The following RUNX1T1 variants were observed in gnomAD, a reference collection of about 807,000 sequenced individuals.
The protein encoded by RUNX1T1 is protein CBFA2T1.
In RUNX1T1, 4 loss-of-function variants were observed where a neutral mutation model predicts 62.8. That is an observed-to-expected ratio of 0.06 (90% confidence interval 0.03 to 0.15). The LOEUF (loss-of-function observed/expected upper bound fraction) is 0.15, where lower values mean the gene tolerates loss of function less well. Among genes scored for constraint, RUNX1T1 ranks in the 10% least tolerant of loss-of-function variants. RUNX1T1 has a pLI of 1.00. For synonymous variants in RUNX1T1, 291 were observed against 286.0 expected (o/e 1.02, Z -0.18); for missense variants, 508 against 754.3 (o/e 0.67, Z 3.82).
chr8:92,072,576 G>A (rs944285815), intron 2 of RUNX1T1, among the ~76,000 whole-genome samples: 2 of 152,208 alleles, frequency 1.3e-5, no homozygotes, highest in Non-Finnish European at 2.9e-5. Context: ...ATGCCTGCTT[G>A]TCTGTGTTCA....
intron 3 of RUNX1T1, among the ~76,000 whole-genome samples, chr8:92,012,954 C>T (rs1421722012): frequency 2.0e-5 from 3 of 151,928 alleles, no homozygotes; most frequent in Non-Finnish European, 4.4e-5. Context: ...AAGTATTTCA[C>T]GCAAAAGTAT....
downstream of RUNX1T1, chr8:91,957,797 C>T (rs1809597552): frequency 4.5e-6 from 1 of 224,578 alleles, no homozygotes; most frequent in Admixed American, 5.7e-5. Flanking sequence ...AAAATATAAC[C>T]CATTCAGAGC....
chr8:91,982,236 CAAAA>C (rs34745107), intron 8 of RUNX1T1, among the ~76,000 whole-genome samples: 5 of 79,206 alleles, frequency 6.3e-5, no homozygotes, highest in Admixed American at 1.4e-4. Context: ...GACCCTGTCT[CAAAA>C]AAAAAAAAAA....
rs1225335417 is a variant in RUNX1T1 at position 91,994,958 on chromosome 8, T to TAGTC, written c.660-3073_660-3070dup. Among the ~76,000 whole-genome samples, 11 of 152,354 alleles carry TAGTC rather than the reference T, an allele frequency of 7.2e-5. No individual in the cohort carries two copies. The South Asian group carries it at 2.3e-3, about 32-fold the overall frequency. On this transcript the variant is annotated intron_variant, in intron 5 of 10. Coordinates refer to ENST00000396218, the Ensembl canonical transcript of RUNX1T1. ...TGCAGATCAAAACACACAGTGCTGATAGTCCTCTGGCCAAACCATAAGTAT... is the reference window on the plus strand; with the variant it reads ...TGCAGATCAAAACACACAGTGCTGATAGTCAGTCCTCTGGCCAAACCATAAGTAT...
intron 1 of RUNX1T1, among the ~76,000 whole-genome samples, chr8:92,019,556 G>A (rs531407521): frequency 6.6e-6 from 1 of 152,280 alleles, no homozygotes; most frequent in East Asian, 1.9e-4. Context: ...TTTACCCTCA[G>A]TGTCTACAAG....
chr8:91,997,339 GT>G (rs1316316608), intron 5 of RUNX1T1, among the ~76,000 whole-genome samples: 1 of 151,912 alleles, frequency 6.6e-6, no homozygotes, highest in East Asian at 1.9e-4. Context: ...GCGGGTGTAA[GT>G]TTTTTTCTCT....
intron 1 of RUNX1T1, among the ~76,000 whole-genome samples, chr8:92,050,650 A>G (rs553291373): frequency 1.3e-5 from 2 of 152,310 alleles, no homozygotes; most frequent in Non-Finnish European, 2.9e-5. Flanking sequence ...CTGATCTTAA[A>G]ACTCATGCTA....
Position 92,091,841 on chromosome 8 carries a change from T to C in RUNX1T1, c.-86+7739A>G, listed in dbSNP as rs997521489. On this transcript the variant is annotated intron_variant, in intron 1 of 11. Coordinates refer to the RUNX1T1 transcript ENST00000265814. ...TAATCGCAAATACTCACATTCAACATTGTTCTTCAAACTACCTCTTCTTTT... is the reference window on the plus strand; with the variant it reads ...TAATCGCAAATACTCACATTCAACACTGTTCTTCAAACTACCTCTTCTTTT... Among the ~76,000 whole-genome samples, 5 of 152,248 alleles carry C rather than the reference T, an allele frequency of 3.3e-5. No individual in the cohort carries two copies. The South Asian group carries it at 8.3e-4, about 25-fold the overall frequency.
chr8:91,999,530 A>T (rs1819363407), intron 5 of RUNX1T1, among the ~76,000 whole-genome samples: 1 of 152,172 alleles, frequency 6.6e-6, no homozygotes, highest in East Asian at 1.9e-4. Context: ...GAGGCTGATG[A>T]TACAGAATCA....
intron 1 of RUNX1T1, among the ~76,000 whole-genome samples, chr8:92,039,147 T>G (rs987898610): frequency 2.1e-3 from 317 of 150,822 alleles, no homozygotes; most frequent in Non-Finnish European, 3.3e-3. Context: ...TGTTGTTGTT[T>G]TTTTTTTTTT....
At chr8:92,008,367 ATCTC>A (rs149208341) in intron 4 of RUNX1T1, among the ~76,000 whole-genome samples, 4 of 132,694 alleles carry the variant, frequency 3.0e-5, no homozygotes, top group South Asian at 2.6e-4. Context: ...GGTGCCACAT[ATCTC>A]TCTCTCTCTC....
chr8:92,042,822 A>G (rs563875612), intron 1 of RUNX1T1, among the ~76,000 whole-genome samples: 14 of 152,388 alleles, frequency 9.2e-5, no homozygotes, highest in African/African-American at 3.1e-4. Context: ...AGGAAAAGAT[A>G]AGCATCCACT....
At chr8:92,024,053 T>C (rs1184820225) in intron 1 of RUNX1T1, among the ~76,000 whole-genome samples, 1 of 152,060 alleles carries the variant, frequency 6.6e-6, no homozygotes, top group Non-Finnish European at 1.5e-5. Context: ...GTAAATAAAG[T>C]CCCTCATTCT....
At chr8:92,098,091 T>C (rs541769654) in intron 1 of RUNX1T1, among the ~76,000 whole-genome samples, 1 of 152,356 alleles carries the variant, frequency 6.6e-6, no homozygotes, top group South Asian at 2.1e-4. Flanking sequence ...TTTGAAGCAT[T>C]AATTCAGATA....
intron 10 of RUNX1T1, among the ~76,000 whole-genome samples, chr8:91,966,899 T>C (rs954109598): frequency 5.3e-5 from 8 of 151,810 alleles, no homozygotes; most frequent in African/African-American, 1.7e-4. Flanking sequence ...CAGTGAAAAA[T>C]AGATACAGTA....
At chr8:91,973,920 T>C (rs1006387854) in intron 9 of RUNX1T1, among the ~76,000 whole-genome samples, 2 of 152,082 alleles carry the variant, frequency 1.3e-5, no homozygotes, top group African/African-American at 4.8e-5. Context: ...GGGATACCAC[T>C]GTGAGAAGAA....
At chr8:91,963,822 A>AT (rs989871443) in intron 10 of RUNX1T1, among the ~76,000 whole-genome samples, 1 of 152,112 alleles carries the variant, frequency 6.6e-6, no homozygotes, top group African/African-American at 2.4e-5. Context: ...TTATTTATTT[A>AT]TTTTTAAATG....
intron 8 of RUNX1T1, among the ~76,000 whole-genome samples, chr8:91,982,496 CAA>C (rs1815548453): frequency 6.6e-6 from 1 of 152,182 alleles, no homozygotes; most frequent in Non-Finnish European, 1.5e-5. Context: ...GGAAAACATA[CAA>C]AGTGCTAACC....
intron 4 of RUNX1T1, chr8:92,006,298 G>C (rs2131036243): frequency 6.6e-6 from 1 of 152,244 alleles, no homozygotes; most frequent in Non-Finnish European, 1.5e-5. Flanking sequence ...GGCAGTAAGG[G>C]AGAGGAAAGG....
Sources: allele counts gnomAD v4.1 joint callset (sites outside exome capture counted in the v4.1 genomes callset), GRCh38; gene constraint gnomAD v4.1.1; transcripts MANE v1.5; gene names NCBI Gene and HGNC (gene_info 2026-07-23, HGNC 2026-07-21).